Variants in CPT1A observed in about 807,000 individuals in gnomAD.
CPT1A encodes carnitine palmitoyltransferase 1A.
A neutral mutation model predicts 100.8 loss-of-function variants in CPT1A; 64 were observed. That is an observed-to-expected ratio of 0.63 (90% confidence interval 0.52 to 0.78). The LOEUF (loss-of-function observed/expected upper bound fraction) is 0.78, where lower values mean the gene tolerates loss of function less well. Ranked by LOEUF, CPT1A falls within the 30% of genes least tolerant of loss-of-function variation. CPT1A has a pLI of 0.00. For missense variants in CPT1A, 802 were observed against 1,034.1 expected (o/e 0.78, Z 3.08); for synonymous variants, 363 against 396.0 (o/e 0.92, Z 0.99).
At position 68,775,330 on chromosome 11, in the gene CPT1A, C is replaced by T; in HGVS notation, c.1561G>A (p.Asp521Asn). 1 of 1,613,586 alleles carries T rather than the reference C, an allele frequency of 6.2e-7. No individual in the cohort carries two copies. Among genetic ancestry groups the T allele is most frequent in the Non-Finnish European group, 8.5e-7 (1 of 1,179,490 alleles). ...NIPYPTRLQW[D>N]IPGECQEVIE... ...TCCGGACTTACTTCCCCCGGGATGT[C>T]CCACTGCAGCCTGGTGGGGTACGGA... Residue 521 changes from aspartate to asparagine, a missense_variant, in exon 13 of 19, where the codon GAC (aspartate) becomes AAC (asparagine). Physicochemically the swap from Asp to Asn is conservative, Grantham distance 23. Transcript: ENST00000265641.
intron 1 of CPT1A, among the ~76,000 whole-genome samples, chr11:68,821,844 A>AT (rs1228119517): frequency 6.6e-6 from 1 of 152,138 alleles, no homozygotes; most frequent in African/African-American, 2.4e-5. Flanking sequence ...CTTGGAATGT[A>AT]TCCCCCCAAG....
At chr11:68,804,969 G>A (rs1355429153) in intron 4 of CPT1A, among the ~76,000 whole-genome samples, 1 of 152,228 alleles carries the variant, frequency 6.6e-6, no homozygotes, top group Non-Finnish European at 1.5e-5. Context: ...GGCCCAGGCG[G>A]GGAGTCTTGG....
intron 1 of CPT1A, among the ~76,000 whole-genome samples, chr11:68,840,270 G>T (rs936311254): frequency 6.6e-6 from 1 of 152,136 alleles, no homozygotes; most frequent in Admixed American, 6.6e-5. Context: ...GGTCAGAGTC[G>T]CCTTAAAGAA....
chr11:68,768,683 G>A (rs1361499000), intron 14 of CPT1A, among the ~76,000 whole-genome samples: 4 of 152,168 alleles, frequency 2.6e-5, no homozygotes. Context: ...TGGGTTTACA[G>A]GCACGAGCCA....
chr11:68,841,732 G>A lies in CPT1A; in HGVS notation c.-14+43C>T, dbSNP rs2154003378. The A allele has an allele frequency of 1.1e-6, 1 of 948,758 alleles. No homozygotes were observed. The allele number at this position is 948,758 out of a possible 1,614,324, so 58.8% of individuals were successfully genotyped here. A position where few individuals can be genotyped will look rare whatever the true frequency, so the allele number is the denominator to read the frequency against. ...CGTCCCCGGCCCCCGCAGCCCGCAG[G>A]GCCGCCCCGCCACCCTCCCCACCGC... On this transcript the variant is annotated intron_variant, in intron 1 of 18. Coordinates refer to ENST00000265641, the MANE Select transcript of CPT1A (RefSeq NM_001876.4). The surrounding 1 kb of genome is among the most constrained non-coding windows in gnomAD (Gnocchi z 6.3).
intron 1 of CPT1A, among the ~76,000 whole-genome samples, chr11:68,826,537 A>G (rs1164075027): frequency 6.6e-6 from 1 of 151,832 alleles, no homozygotes; most frequent in Non-Finnish European, 1.5e-5. Flanking sequence ...GGTAGAGACC[A>G]TCGTCGCTAA....
intron 2 of CPT1A, among the ~76,000 whole-genome samples, chr11:68,814,502 G>A (rs952983181): frequency 1.3e-5 from 2 of 151,872 alleles, no homozygotes; most frequent in African/African-American, 4.8e-5. Context: ...AGAGACGGGG[G>A]TTTCACCATG....
intron 1 of CPT1A, among the ~76,000 whole-genome samples, chr11:68,834,561 G>C (rs1484050566): frequency 6.6e-6 from 1 of 152,192 alleles, no homozygotes; most frequent in Non-Finnish European, 1.5e-5. Flanking sequence ...AGACCAATCT[G>C]GGCAATGTAG....
In CPT1A at chr11:68,838,574, A is replaced by AAAAAAAAAAAC. The variant is rs1290226699; in HGVS notation, c.-14+3200_-14+3201insGTTTTTTTTTT. 2.9e-5 allele frequency among the ~76,000 whole-genome samples: 4 copies of AAAAAAAAAAAC among 138,650 alleles called. 1 individual carries two copies. The highest frequency in any genetic ancestry group is 6.1e-5 in the Non-Finnish European group (4 of 65,154). The allele number at this position is 138,650 out of a possible 152,430, so 91.0% of individuals were successfully genotyped here. A position where few individuals can be genotyped will look rare whatever the true frequency, so the allele number is the denominator to read the frequency against. On this transcript the variant is annotated intron_variant, in intron 1 of 18. Transcript: ENST00000265641. ...TCTACTCTGTATCTGCACCTTTTTA[A>AAAAAAAAAAAC]AAAAAAAAAAAAAAAAACAGAGACA...
intron 13 of CPT1A, among the ~76,000 whole-genome samples, chr11:68,775,019 T>G (rs1021783344): frequency 2.6e-5 from 4 of 152,154 alleles, no homozygotes; most frequent in Non-Finnish European, 4.4e-5. Context: ...TGGCTTTTAG[T>G]TTTTGATTAT....
rs1416452013 is a variant in CPT1A, at chr11:68,795,028, A to G, written c.772-117T>C. ...TCTAGAGATGCATCAATATACATAC[A>G]TATTCGGTTACATCTGCAATGCTAC... On this transcript the variant is annotated intron_variant, in intron 7 of 18. Coordinates refer to ENST00000265641, the MANE Select transcript of CPT1A (RefSeq NM_001876.4). The G allele has an allele frequency of 6.4e-6, 5 of 779,166 alleles. No homozygotes were observed. In the Admixed American group the frequency reaches 7.7e-5, roughly 12 times the overall value. 48.3% of individuals were successfully genotyped at this position (779,166 alleles called of 1,614,324 possible). A position where few individuals can be genotyped will look rare whatever the true frequency, so the allele number is the denominator to read the frequency against.
chr11:68,764,843 C>A (rs1050348841), intron 14 of CPT1A, among the ~76,000 whole-genome samples: 54 of 152,352 alleles, frequency 3.5e-4, no homozygotes, highest in African/African-American at 1.3e-3. Flanking sequence ...GTCTAGAGAC[C>A]GTGGGAGCAC....
intron 12 of CPT1A, among the ~76,000 whole-genome samples, chr11:68,777,799 C>T (rs755869323): frequency 1.2e-4 from 19 of 152,222 alleles, no homozygotes; most frequent in Admixed American, 3.3e-4. Flanking sequence ...TGCCAAACAA[C>T]AGCTCTTAGG....
intron 12 of CPT1A, 98 bp downstream of exon 12, chr11:68,780,542 C>G: frequency 1.9e-6 from 2 of 1,076,202 alleles, no homozygotes; most frequent in East Asian, 2.5e-5. Context: ...CCTCGGCCTC[C>G]CAAAGTGCTG....
intron 9 of CPT1A, among the ~76,000 whole-genome samples, chr11:68,789,143 A>T (rs957338934): frequency 7.2e-5 from 11 of 152,360 alleles, no homozygotes; most frequent in Non-Finnish European, 1.5e-4. Context: ...TCTTCTGCTA[A>T]AAGATTTTCT....
At position 68,794,996 on chromosome 11, in the gene CPT1A, C is replaced by A. The variant is rs537586280; in HGVS notation, c.772-85G>T. On this transcript the variant is annotated intron_variant, in intron 7 of 18. Coordinates refer to ENST00000265641, the MANE Select transcript of CPT1A (RefSeq NM_001876.4). ...TCACAGCACATCCTGCACACTGTCA[C>A]AATATTTCTAGAGATGCATCAATAT... 9.7e-6 allele frequency: 10 copies of A among 1,030,160 alleles called. No homozygotes were observed. In the East Asian group the frequency reaches 1.7e-4, roughly 17 times the overall value. The allele number at this position is 1,030,160 out of a possible 1,614,324, so 63.8% of individuals were successfully genotyped here.
intron 1 of CPT1A, among the ~76,000 whole-genome samples, chr11:68,832,839 C>T (rs916649423): frequency 6.6e-6 from 1 of 152,204 alleles, no homozygotes; most frequent in Non-Finnish European, 1.5e-5. Flanking sequence ...CCATGGGAAG[C>T]GACAGCTTAG....
intron 1 of CPT1A, among the ~76,000 whole-genome samples, chr11:68,833,380 C>G (rs1027181089): frequency 6.6e-6 from 1 of 152,240 alleles, no homozygotes; most frequent in Non-Finnish European, 1.5e-5. Context: ...TGAGCCACAT[C>G]GTTATTCAAT....
At chr11:68,761,750 A>G (rs1298602346) in intron 15 of CPT1A, 63 bp from the exon 16 acceptor site, 1 of 1,582,572 alleles carries the variant, frequency 6.3e-7, no homozygotes, top group Non-Finnish European at 8.7e-7. Flanking sequence ...TTACGGATCT[A>G]AGTTAGCCAC....
Sources: gnomAD v4.1 joint callset for allele counts (sites outside exome capture counted in the v4.1 genomes callset) on GRCh38, gnomAD v4.1.1 for gene constraint, Gnocchi (gnomAD v3.1) non-coding constraint, MANE v1.5 for transcripts, NCBI Gene and HGNC (gene_info 2026-07-23, HGNC 2026-07-21) for gene names.